NFIC: variants seen among roughly 807,000 people sequenced by gnomAD.
NFIC encodes nuclear factor 1 C-type.
NFIC carries 12 observed loss-of-function variants against 54.4 expected under a neutral mutation model. The observed-to-expected ratio is 0.22, with a 90% CI of 0.14 to 0.36. The LOEUF (loss-of-function observed/expected upper bound fraction) is 0.36. Ranked by LOEUF, NFIC falls within the 10% of genes least tolerant of loss-of-function variation. The pLI, the probability that NFIC is intolerant of heterozygous loss-of-function variation, is 1.00. For synonymous variants in NFIC, 322 were observed against 319.2 expected (o/e 1.01, Z -0.09); for missense variants, 575 against 718.2 (o/e 0.80, Z 2.28).
intron 2 of NFIC, among the ~76,000 whole-genome samples, chr19:3,415,790 C>A (rs1022761825): frequency 3.9e-5 from 6 of 152,146 alleles, no homozygotes; most frequent in African/African-American, 7.2e-5. Context: ...CGAGCACCTA[C>A]TGTATACCTG....
chr19:3,404,518 A>C (rs2081612198), intron 2 of NFIC, among the ~76,000 whole-genome samples: 5 of 152,000 alleles, frequency 3.3e-5, no homozygotes. Context: ...CAGAGGCTGC[A>C]GAGGGGCTGG....
chr19:3,376,177 C>G (rs1305853815), intron 1 of NFIC, among the ~76,000 whole-genome samples: 2 of 152,044 alleles, frequency 1.3e-5, no homozygotes, highest in African/African-American at 2.4e-5. Flanking sequence ...TGAAAATACC[C>G]CAGCATCTTA....
intron 10 of NFIC, among the ~76,000 whole-genome samples, chr19:3,460,670 C>T (rs11490540): frequency 0.13 from 19,187 of 151,994 alleles, 1,427 homozygotes; most frequent in South Asian, 0.32. Flanking sequence ...CGTGCCACCA[C>T]GCCTGGCTAA....
intron 2 of NFIC, among the ~76,000 whole-genome samples, chr19:3,408,079 G>A (rs1034326900): frequency 4.6e-5 from 7 of 152,240 alleles, no homozygotes; most frequent in Non-Finnish European, 8.8e-5. Context: ...GGAGGCGGAC[G>A]TGGCAGCCGG....
chr19:3,363,267 A>AT (rs1213596166), upstream of NFIC, among the ~76,000 whole-genome samples: 70 of 47,058 alleles, frequency 1.5e-3, no homozygotes, highest in South Asian at 4.9e-3. Flanking sequence ...ATATATATAT[A>AT]TATTTTTTTT....
chr19:3,442,325 C>T (rs1315263883), intron 6 of NFIC, among the ~76,000 whole-genome samples: 3 of 150,534 alleles, frequency 2.0e-5, no homozygotes, highest in Non-Finnish European at 4.4e-5. Context: ...TTACACAGGG[C>T]GGGGCAGGCA....
rs370249095 is a variant in NFIC, at chr19:3,453,933, C to T, written c.1423+17C>T. The T allele has an allele frequency of 1.3e-5, 19 of 1,513,124 alleles. No individual in the cohort carries two copies. Among genetic ancestry groups the T allele is most frequent in the African/African-American group, 2.8e-5 (2 of 70,478 alleles). 93.7% of individuals were successfully genotyped at this position (1,513,124 alleles called of 1,614,324 possible). On this transcript the variant is annotated intron_variant, in intron 9 of 10. Transcript: ENST00000443272. The surrounding 1 kb of genome is among the most constrained non-coding windows in gnomAD (Gnocchi z 6.7). ...CCTCGCCTTGTAAGCACGCGGGAAG[C>T]GGTGCCCTGGTGGGGCGGATGTCCG...
chr19:3,360,402 G>C (rs1044380011), intron 1 of NFIC, among the ~76,000 whole-genome samples: 3 of 151,372 alleles, frequency 2.0e-5, no homozygotes, highest in Non-Finnish European at 4.4e-5. Context: ...GTCTCGGCCC[G>C]GCGCGCCCCA....
At chr19:3,359,751 C>T in intron 1 of NFIC, 1 of 1,362,650 alleles carries the variant, frequency 7.3e-7, no homozygotes, top group Non-Finnish European at 9.6e-7. Context: ...GGGCTCCGGG[C>T]GAAAGTTGCA....
intron 2 of NFIC, among the ~76,000 whole-genome samples, chr19:3,391,305 A>G (rs1022277946): frequency 3.3e-5 from 5 of 152,144 alleles, no homozygotes; most frequent in African/African-American, 1.2e-4. Context: ...AGATTTTACC[A>G]CAATCTAAAA....
chr19:3,385,201 A>ACC (rs397826497), intron 2 of NFIC, among the ~76,000 whole-genome samples: 10 of 102,934 alleles, frequency 9.7e-5, no homozygotes, highest in South Asian at 3.6e-4. Flanking sequence ...AGCAGGGCAC[A>ACC]CCCCCCCCCA....
intron 6 of NFIC, among the ~76,000 whole-genome samples, chr19:3,439,296 T>C (rs1031760110): frequency 8.5e-6 from 1 of 117,956 alleles, no homozygotes; most frequent in Non-Finnish European, 1.6e-5. Flanking sequence ...ATCATACCAC[T>C]GCACTCCATC....
At chr19:3,435,055 C>T (rs775235395) in intron 5 of NFIC, 28 bp from the exon 6 acceptor site, 17 of 1,554,234 alleles carry the variant, frequency 1.1e-5, no homozygotes, top group Admixed American at 1.9e-5. Context: ...CCCTGGTAAC[C>T]AGCCTCTCCC....
At chr19:3,407,392 C>A (rs141098802) in intron 2 of NFIC, among the ~76,000 whole-genome samples, 4 of 151,236 alleles carry the variant, frequency 2.6e-5, no homozygotes, top group Admixed American at 6.6e-5. Context: ...GGATTACAGG[C>A]GTGAGCCACC....
At position 3,453,966 on chromosome 19, in the gene NFIC, G is replaced by T. The variant is rs533927400; in HGVS notation, c.1423+50G>T. ...TGGTGGGGCGGATGTCCGCAGGGGG[G>T]CCTGTCCCCTCCCCAGCCCCACTGC... On this transcript the variant is annotated intron_variant, in intron 9 of 10. Transcript: ENST00000443272. The surrounding 1 kb of genome is among the most constrained non-coding windows in gnomAD (Gnocchi z 6.7). 2.1e-6 allele frequency: 3 copies of T among 1,456,328 alleles called. No individual in the cohort carries two copies. The highest frequency in any genetic ancestry group is 1.5e-5 in the African/African-American group (1 of 68,428). The allele number at this position is 1,456,328 out of a possible 1,614,324, so 90.2% of individuals were successfully genotyped here.
At chr19:3,431,273 C>T (rs1468040773) in intron 3 of NFIC, among the ~76,000 whole-genome samples, 1 of 151,770 alleles carries the variant, frequency 6.6e-6, no homozygotes, top group Non-Finnish European at 1.5e-5. Context: ...ATCCACCTGC[C>T]TCAGCCTCCC....
At chr19:3,443,664 C>G (rs570918299) in intron 6 of NFIC, among the ~76,000 whole-genome samples, 1 of 152,206 alleles carries the variant, frequency 6.6e-6, no homozygotes, top group East Asian at 1.9e-4. Flanking sequence ...ATGGAATCCT[C>G]TAAGACAGAG....
At position 3,464,323 on chromosome 19, in the gene NFIC, G is replaced by A. The variant is rs3746299; in HGVS notation, c.*1554G>A. The A allele has an allele frequency of 1.0e-6, 1 of 984,612 alleles. No individual in the cohort carries two copies. The highest frequency in any genetic ancestry group is 4.7e-5 in the South Asian group (1 of 21,270). The allele number at this position is 984,612 out of a possible 1,614,324, so 61.0% of individuals were successfully genotyped here. On this transcript the variant is annotated 3_prime_UTR_variant, in exon 11 of 11. Transcript: ENST00000443272. ...CTTGGGGCCCCCCGCAGCCGTGTAG[G>A]GGGCCTCCCATCTGCTAAGCGTTTT...
intron 2 of NFIC, among the ~76,000 whole-genome samples, chr19:3,387,286 G>C (rs1385609467): frequency 6.6e-6 from 1 of 152,216 alleles, no homozygotes; most frequent in Non-Finnish European, 1.5e-5. Flanking sequence ...CGGATCACCT[G>C]AGGTCAGGAG....
Sources: allele counts gnomAD v4.1 joint callset (sites outside exome capture counted in the v4.1 genomes callset), GRCh38; gene constraint gnomAD v4.1.1; non-coding constraint Gnocchi (gnomAD v3.1); transcripts MANE v1.5; gene names NCBI Gene and HGNC (gene_info 2026-07-23, HGNC 2026-07-21).